Variants in MGMT observed in about 807,000 individuals in gnomAD.
The protein encoded by MGMT is O-6-methylguanine-DNA methyltransferase, also known as methylated-DNA--protein-cysteine methyltransferase.
In MGMT, 14 loss-of-function variants were observed where a neutral mutation model predicts 15.9. The observed-to-expected ratio is 0.88, with a 90% CI of 0.58 to 1.37. The LOEUF (loss-of-function observed/expected upper bound fraction) is 1.37. Among genes scored for constraint, MGMT ranks in the 40% most tolerant of loss-of-function variants. MGMT has a pLI of 0.00. For missense variants in MGMT, 282 were observed against 268.1 expected (o/e 1.05, Z -0.36); for synonymous variants, 130 against 118.2 (o/e 1.10, Z -0.65).
At chr10:129,548,748 G>A (rs535732823) in intron 2 of MGMT, among the ~76,000 whole-genome samples, 4 of 152,180 alleles carry the variant, frequency 2.6e-5, no homozygotes, top group African/African-American at 9.7e-5. Context: ...TTTCGGGGGG[G>A]TGCTGGGGAG....
chr10:129,663,619 T>C (rs1310627060), intron 2 of MGMT, among the ~76,000 whole-genome samples: 4 of 152,110 alleles, frequency 2.6e-5, no homozygotes, highest in East Asian at 1.9e-4. Flanking sequence ...GAAACACAAA[T>C]ATATAAAATG....
chr10:129,619,966 T>C (rs1024716399), intron 2 of MGMT, among the ~76,000 whole-genome samples: 3 of 152,316 alleles, frequency 2.0e-5, no homozygotes, highest in African/African-American at 7.2e-5. Context: ...CTTTCTAAGA[T>C]AGAAGCAGTG....
intron 2 of MGMT, among the ~76,000 whole-genome samples, chr10:129,662,444 C>T (rs1019592311): frequency 3.3e-5 from 5 of 152,114 alleles, no homozygotes; most frequent in Non-Finnish European, 7.3e-5. Flanking sequence ...AGATTACAGA[C>T]GCTATAAAAG....
rs543275258 is a variant in MGMT at position 129,616,369 on chromosome 10, A to C, written c.125+79992A>C. Among the ~76,000 whole-genome samples the C allele has an allele frequency of 2.1e-3, 326 of 152,312 alleles. 1 individual carries two copies. Among genetic ancestry groups the C allele is most frequent in the African/African-American group, 7.5e-3 (310 of 41,562 alleles). Reference sequence around the variant, plus strand: ...CTGGTCGCCTCCAGGTGGTCTCAGGATCCCAGAGCAGGAGGCAGCCATGTG... The same window carrying C: ...CTGGTCGCCTCCAGGTGGTCTCAGGCTCCCAGAGCAGGAGGCAGCCATGTG... On this transcript the variant is annotated intron_variant, in intron 2 of 4. Transcript: ENST00000651593.
At chr10:129,498,859 C>T (rs911239799) in intron 1 of MGMT, among the ~76,000 whole-genome samples, 1 of 152,194 alleles carries the variant, frequency 6.6e-6, no homozygotes, top group African/African-American at 2.4e-5. Flanking sequence ...CACTGCTCTT[C>T]CTGCCCTTCT....
At chr10:129,741,087 G>A (rs1379031691) in intron 3 of MGMT, among the ~76,000 whole-genome samples, 1 of 152,112 alleles carries the variant, frequency 6.6e-6, no homozygotes, top group Admixed American at 6.6e-5. Flanking sequence ...GACCATGGCG[G>A]GCACTCTGGA....
intron 1 of MGMT, among the ~76,000 whole-genome samples, chr10:129,493,769 T>A (rs902383835): frequency 3.9e-5 from 6 of 152,176 alleles, no homozygotes; most frequent in African/African-American, 1.4e-4. Context: ...ATATTTATAT[T>A]TCTGCCTTCA....
chr10:129,655,834 A>G (rs961679837), intron 2 of MGMT, among the ~76,000 whole-genome samples: 16 of 152,202 alleles, frequency 1.1e-4, no homozygotes, highest in African/African-American at 3.6e-4. Flanking sequence ...GTAAACACAC[A>G]GCGCATGTGT....
At chr10:129,689,227 C>A (rs1847944442) in intron 2 of MGMT, among the ~76,000 whole-genome samples, 1 of 152,234 alleles carries the variant, frequency 6.6e-6, no homozygotes, top group Admixed American at 6.5e-5. Flanking sequence ...CTGCGCCCAG[C>A]CCAACCCTGT....
At chr10:129,634,491 CCTCA>C (rs1847244222) in intron 2 of MGMT, among the ~76,000 whole-genome samples, 2 of 152,124 alleles carry the variant, frequency 1.3e-5, no homozygotes, top group African/African-American at 4.8e-5. Context: ...TTTTTCAAAA[CCTCA>C]CTGATAATCC....
chr10:129,701,354 A>G (rs1848097585), intron 2 of MGMT: 1 of 152,216 alleles, frequency 6.6e-6, no homozygotes, highest in Non-Finnish European at 1.5e-5. Context: ...CAGAGGGTAC[A>G]CAGCACTCCC....
intron 2 of MGMT, among the ~76,000 whole-genome samples, chr10:129,631,549 G>A (rs1252574350): frequency 2.6e-5 from 4 of 152,230 alleles, no homozygotes; most frequent in Non-Finnish European, 5.9e-5. Context: ...TTTGGACGGT[G>A]TGGTGGCTCA....
At chr10:129,609,622 C>T (rs1846936129) in intron 2 of MGMT, among the ~76,000 whole-genome samples, 1 of 152,208 alleles carries the variant, frequency 6.6e-6, no homozygotes, top group South Asian at 2.1e-4. Context: ...AAATGAGCAC[C>T]TGGTACATTA....
chr10:129,558,662 T>C (rs1296897407), intron 2 of MGMT, among the ~76,000 whole-genome samples: 2 of 152,186 alleles, frequency 1.3e-5, no homozygotes, highest in African/African-American at 4.8e-5. Flanking sequence ...TGTTGTGTTA[T>C]TGTGGAAATC....
At chr10:129,576,176 C>T (rs1589875229) in intron 2 of MGMT, among the ~76,000 whole-genome samples, 1 of 152,348 alleles carries the variant, frequency 6.6e-6, no homozygotes, top group South Asian at 2.1e-4. Flanking sequence ...TCCTCCCTAA[C>T]TCATTTTATG....
At chr10:129,565,545 T>C (rs141347152) in intron 2 of MGMT, among the ~76,000 whole-genome samples, 2 of 152,284 alleles carry the variant, frequency 1.3e-5, no homozygotes, top group African/African-American at 2.4e-5. Context: ...ATATTGACAT[T>C]TAGTAGTTGT....
At chr10:129,749,074 C>G (rs575166001) in intron 3 of MGMT, among the ~76,000 whole-genome samples, 1 of 152,162 alleles carries the variant, frequency 6.6e-6, no homozygotes, top group Non-Finnish European at 1.5e-5. Flanking sequence ...ATAATACAGT[C>G]AGATTCTCTT....
intron 2 of MGMT, among the ~76,000 whole-genome samples, chr10:129,628,382 C>G (rs1298165744): frequency 1.3e-5 from 2 of 152,190 alleles, no homozygotes; most frequent in Non-Finnish European, 2.9e-5. Context: ...ACGTTTTGCT[C>G]TGGTTTGAAG....
rs1041942946 is a variant in MGMT, at chr10:129,759,450, G to C, written c.414+109G>C. The stretch of plus-strand genomic sequence containing the variant: ...GGAAGGCAGGCTGTGCTGCTGGGGT[G>C]GGCAGAGGGGCGATATCTGTGATGG... On this transcript the variant is annotated intron_variant, in intron 4 of 4. Transcript: ENST00000651593. The C allele has an allele frequency of 1.3e-5, 19 of 1,513,930 alleles. No homozygotes were observed. In the East Asian group the frequency reaches 2.9e-4, roughly 23 times the overall value. 93.8% of individuals were successfully genotyped at this position (1,513,930 alleles called of 1,614,324 possible). A position where few individuals can be genotyped will look rare whatever the true frequency, so the allele number is the denominator to read the frequency against.
Sources: gnomAD v4.1 joint callset for allele counts (sites outside exome capture counted in the v4.1 genomes callset) on GRCh38, gnomAD v4.1.1 for gene constraint, MANE v1.5 for transcripts, NCBI Gene and HGNC (gene_info 2026-07-23, HGNC 2026-07-21) for gene names.